The following PDXDC1 variants were observed in gnomAD, a reference collection of about 807,000 sequenced individuals.
PDXDC1 encodes pyridoxal-dependent decarboxylase domain-containing protein 1.
PDXDC1 carries 42 observed loss-of-function variants against 100.1 expected under a neutral mutation model. The ratio of observed to expected loss-of-function variants is 0.42; its 90% CI spans 0.33 to 0.54. The LOEUF is 0.54. Among genes scored for constraint, PDXDC1 ranks in the 20% least tolerant of loss-of-function variants. PDXDC1 has a pLI of 0.10. For missense variants in PDXDC1, 636 were observed against 979.2 expected (o/e 0.65, Z 4.68); for synonymous variants, 260 against 371.7 (o/e 0.70, Z 3.46).
intron 16 of PDXDC1, among the ~76,000 whole-genome samples, chr16:15,117,388 C>T (rs1295984311): frequency 5.6e-5 from 8 of 143,830 alleles, no homozygotes; most frequent in Admixed American, 1.4e-4. Flanking sequence ...TGGCCAGGCG[C>T]GGTGGCTCAC....
downstream of PDXDC1, among the ~76,000 whole-genome samples, chr16:15,141,660 C>A (rs892922609): frequency 1.3e-5 from 2 of 152,320 alleles, no homozygotes; most frequent in Non-Finnish European, 2.9e-5. Context: ...CTCCTCTACA[C>A]CAAGGTAGGG....
intron 8 of PDXDC1, among the ~76,000 whole-genome samples, chr16:15,014,482 G>A (rs1399261186): frequency 6.6e-6 from 1 of 152,290 alleles, no homozygotes; most frequent in African/African-American, 2.4e-5. Flanking sequence ...CACTAACACA[G>A]CAGTACGCTT....
At chr16:15,017,740 CTGAG>C (rs2041897847) in intron 11 of PDXDC1, among the ~76,000 whole-genome samples, 1 of 151,906 alleles carries the variant, frequency 6.6e-6, no homozygotes, top group South Asian at 2.1e-4. Context: ...TGTGGAATGA[CTGAG>C]TGGGGGAGTT....
At chr16:15,070,855 A>G (rs988925088) in intron 16 of PDXDC1, among the ~76,000 whole-genome samples, 1 of 152,168 alleles carries the variant, frequency 6.6e-6, no homozygotes, top group African/African-American at 2.4e-5. Context: ...AGTATACAAC[A>G]CTGTCCTCTA....
At chr16:15,012,578 C>T (rs1402716334) in intron 8 of PDXDC1, among the ~76,000 whole-genome samples, 23 of 152,410 alleles carry the variant, frequency 1.5e-4, no homozygotes, top group South Asian at 4.1e-4. Context: ...TTACAGGTGG[C>T]TCACACTTGT....
At chr16:14,994,606 G>C (rs1316857510) in intron 1 of PDXDC1, among the ~76,000 whole-genome samples, 1 of 152,286 alleles carries the variant, frequency 6.6e-6, no homozygotes, top group African/African-American at 2.4e-5. Flanking sequence ...TGGCTTAGGA[G>C]TGACTTGGCA....
At chr16:15,140,095 C>CAA (rs372891971), downstream of PDXDC1, among the ~76,000 whole-genome samples, 4,603 of 43,736 alleles carry the variant, frequency 0.11, 784 homozygotes, top group African/African-American at 0.17. Context: ...GACTCCATCT[C>CAA]AAAAAAAAAA....
At chr16:15,125,874 ACCT>A (rs2047687575) in intron 16 of PDXDC1, 1 of 776,016 alleles carries the variant, frequency 1.3e-6, no homozygotes, top group African/African-American at 1.7e-5. Flanking sequence ...ATGAGAAGCC[ACCT>A]CCTCAGCAGA....
the PDXDC1 span, among the ~76,000 whole-genome samples, chr16:15,148,810 C>T: frequency 1.3e-5 from 2 of 152,152 alleles, no homozygotes; most frequent in Admixed American, 6.5e-5. Flanking sequence ...AGTGGGCGCT[C>T]GGGTGCCCCA....
rs1476139514 is a variant in PDXDC1 at position 15,126,024 on chromosome 16, A to C, written c.1400-12855A>C. The C allele has an allele frequency of 6.4e-5, 38 of 593,178 alleles. No homozygotes were observed. The South Asian group carries it at 7.2e-4, about 11-fold the overall frequency. 36.7% of individuals were successfully genotyped at this position (593,178 alleles called of 1,614,324 possible). A position where few individuals can be genotyped will look rare whatever the true frequency, so the allele number is the denominator to read the frequency against. On this transcript the variant is annotated intron_variant, in intron 16 of 16. Coordinates refer to the PDXDC1 transcript ENST00000535621. ...CAGCAGACTGGTGCAGCTAAGGAAC[A>C]GAGTTTTCAATTTCATTTTTTTTTT...
intron 16 of PDXDC1, among the ~76,000 whole-genome samples, chr16:15,112,183 G>A (rs1598135120): frequency 6.7e-6 from 1 of 148,784 alleles, no homozygotes; most frequent in Admixed American, 6.8e-5. Flanking sequence ...TCCCATCTCA[G>A]ATGTGGGTCA....
intron 12 of PDXDC1, among the ~76,000 whole-genome samples, chr16:15,020,038 G>A (rs536306145): frequency 1.3e-5 from 2 of 151,752 alleles, no homozygotes; most frequent in African/African-American, 4.8e-5. Flanking sequence ...TGTGAACCCG[G>A]GAGGCAGAGC....
In PDXDC1 at chr16:15,055,223, C is replaced by T. The variant is rs140131391; in HGVS notation, c.1399+25167C>T. Among the ~76,000 whole-genome samples, 209 of 152,288 alleles carry T rather than the reference C, an allele frequency of 1.4e-3. 4 individuals are homozygous for T. Among genetic ancestry groups the T allele is most frequent in the Admixed American group, 0.013 (196 of 15,300 alleles). Reference sequence around the variant, plus strand: ...CCTGAGAACCCCCTTGCCAACAGTCCCTGCATAAGCGTGGACAAGAGTTCA... The same window carrying T: ...CCTGAGAACCCCCTTGCCAACAGTCTCTGCATAAGCGTGGACAAGAGTTCA... On this transcript the variant is annotated intron_variant, in intron 16 of 16. Transcript: ENST00000535621.
intron 16 of PDXDC1, among the ~76,000 whole-genome samples, chr16:15,048,394 G>GT (rs1022069094): frequency 2.0e-5 from 3 of 152,126 alleles, no homozygotes; most frequent in Non-Finnish European, 4.4e-5. Flanking sequence ...TTGTTTGTTT[G>GT]TTTTTTAAAG....
At chr16:15,027,364 T>C (rs1485405385) in intron 14 of PDXDC1, among the ~76,000 whole-genome samples, 2 of 152,286 alleles carry the variant, frequency 1.3e-5, no homozygotes, top group Non-Finnish European at 2.9e-5. Context: ...GTGAATGTTT[T>C]ACAGCTCCTA....
intron 16 of PDXDC1, among the ~76,000 whole-genome samples, chr16:15,114,927 A>ATT (rs1317983458): frequency 1.0e-3 from 55 of 52,458 alleles, no homozygotes; most frequent in East Asian, 4.1e-3. Context: ...AAAAAAAAAA[A>ATT]TTTTTTTTTT....
intron 16 of PDXDC1, among the ~76,000 whole-genome samples, chr16:15,064,472 G>C (rs1163750298): frequency 4.6e-5 from 7 of 152,162 alleles, no homozygotes; most frequent in Non-Finnish European, 1.0e-4. Flanking sequence ...ATTACGCCCA[G>C]CCAATCGTTT....
intron 16 of PDXDC1, among the ~76,000 whole-genome samples, chr16:15,031,290 C>T (rs1340888147): frequency 4.6e-5 from 7 of 151,978 alleles, no homozygotes; most frequent in Non-Finnish European, 8.8e-5. Flanking sequence ...AAAAGTAAGC[C>T]AGTGAGCCCT....
intron 21 of PDXDC1, 28 bp downstream of exon 21, chr16:15,034,581 C>A: frequency 6.5e-7 from 1 of 1,536,112 alleles, no homozygotes; most frequent in Non-Finnish European, 9.0e-7. Flanking sequence ...CTTCCCAGGT[C>A]TTGCTGACCT....
Sources: allele counts gnomAD v4.1 joint callset (sites outside exome capture counted in the v4.1 genomes callset), GRCh38; gene constraint gnomAD v4.1.1; transcripts MANE v1.5; gene names NCBI Gene and HGNC (gene_info 2026-07-23, HGNC 2026-07-21).